MYOCD: variants seen among roughly 807,000 people sequenced by gnomAD.
The protein encoded by MYOCD is myocardin.
A neutral mutation model predicts 96.1 loss-of-function variants in MYOCD; 32 were observed. The ratio of observed to expected loss-of-function variants is 0.33; its 90% CI spans 0.25 to 0.45. MYOCD has a LOEUF of 0.45. Among genes scored for constraint, MYOCD ranks in the 20% least tolerant of loss-of-function variants. The pLI is 1.00. For synonymous variants in MYOCD, 469 were observed against 469.0 expected (o/e 1.00, Z 0.00); for missense variants, 1,133 against 1,200.6 (o/e 0.94, Z 0.83).
At chr17:12,667,885 T>G (rs1909462800) in intron 1 of MYOCD, among the ~76,000 whole-genome samples, 1 of 152,052 alleles carries the variant, frequency 6.6e-6, no homozygotes, top group Admixed American at 6.5e-5. Context: ...GTGCAGGCTT[T>G]TGTGTCATAA....
At chr17:12,677,253 G>T in intron 1 of MYOCD, among the ~76,000 whole-genome samples, 1 of 152,102 alleles carries the variant, frequency 6.6e-6, no homozygotes, top group East Asian at 1.9e-4. Flanking sequence ...GCCTGTCGGA[G>T]GGTGGAGGAT....
At chr17:12,670,382 A>G (rs1358863981) in intron 1 of MYOCD, among the ~76,000 whole-genome samples, 1 of 152,168 alleles carries the variant, frequency 6.6e-6, no homozygotes, top group African/African-American at 2.4e-5. Context: ...TCCATCCTTC[A>G]GACAACCTAA....
In MYOCD at chr17:12,671,565, A is replaced by G. The variant is rs527586903; in HGVS notation, c.55+5322A>G. Reference sequence around the variant, plus strand: ...TCAATGACGATAGTGTGACAGTGTCATGAACCAAGGATTGTGATTAATTCA... The same window carrying G: ...TCAATGACGATAGTGTGACAGTGTCGTGAACCAAGGATTGTGATTAATTCA... On this transcript the variant is annotated intron_variant, in intron 1 of 13. Coordinates refer to ENST00000425538, the MANE Select transcript of MYOCD (RefSeq NM_001146312.3). Among the ~76,000 whole-genome samples the G allele has an allele frequency of 6.6e-5, 10 of 152,374 alleles. No individual in the cohort carries two copies. The East Asian group carries it at 1.9e-3, about 29-fold the overall frequency.
intron 7 of MYOCD, among the ~76,000 whole-genome samples, chr17:12,742,550 T>C (rs1411155886): frequency 6.6e-6 from 1 of 151,968 alleles, no homozygotes; most frequent in Non-Finnish European, 1.5e-5. Flanking sequence ...TTCAACCTTC[T>C]GTAATAAAGT....
Position 12,763,080 on chromosome 17 carries a change from A to G in MYOCD, c.2397A>G (p.Pro799=). Residue 799 remains proline (P), a synonymous_variant, in exon 14 of 14, where the codon CCA becomes CCG. Transcript: ENST00000425538. ...ATCGTGTATTGCCCACAGAAATGCC[A>G]GCAGACGCTAGAGAGGATCACTCAT... The part of the protein sequence containing the change: ...LDVLIESGEM[P]ADAREDHSCL... 1 of 1,604,670 alleles carries G rather than the reference A, an allele frequency of 6.2e-7. No individual in the cohort carries two copies. Among genetic ancestry groups the G allele is most frequent in the South Asian group, 1.1e-5 (1 of 89,430 alleles).
chr17:12,728,887 G>T (rs1567589146), intron 5 of MYOCD, among the ~76,000 whole-genome samples: 1 of 152,184 alleles, frequency 6.6e-6, no homozygotes, highest in South Asian at 2.1e-4. Flanking sequence ...CAATAATTCA[G>T]CCCCTCCGGG....
intron 9 of MYOCD, among the ~76,000 whole-genome samples, chr17:12,751,764 A>G (rs9905908): frequency 0.38 from 57,004 of 151,988 alleles, 11,555 homozygotes; most frequent in East Asian, 0.65. Context: ...TCTTATCGCC[A>G]CATACTCTCT....
intron 1 of MYOCD, among the ~76,000 whole-genome samples, chr17:12,672,432 G>T (rs1909759866): frequency 6.7e-6 from 1 of 148,606 alleles, no homozygotes; most frequent in East Asian, 2.1e-4. Context: ...ATATGTTTCA[G>T]AATAGCTAGT....
chr17:12,684,497 G>A (rs734465), intron 1 of MYOCD, among the ~76,000 whole-genome samples: 36,794 of 152,096 alleles, frequency 0.24, 4,571 homozygotes, highest in Admixed American at 0.3. Flanking sequence ...TACATATTTT[G>A]TGGAGCCCTG....
In MYOCD at chr17:12,764,110, A is replaced by G. The variant is rs968308397; in HGVS notation, c.*466A>G. 1.8e-4 allele frequency: 27 copies of G among 152,962 alleles called. No individual in the cohort carries two copies. Among genetic ancestry groups the G allele is most frequent in the African/African-American group, 6.5e-4 (27 of 41,454 alleles). 9.5% of individuals were successfully genotyped at this position (152,962 alleles called of 1,614,324 possible). ...TACCTGCAATGGAAGCTGTTGCCCA[A>G]TGTCTCCATTACTATCTTTCAAAAG... On this transcript the variant is annotated 3_prime_UTR_variant, in exon 14 of 14. Coordinates refer to ENST00000425538, the MANE Select transcript of MYOCD (RefSeq NM_001146312.3).
At chr17:12,760,739 A>G in intron 13 of MYOCD, 32 bp downstream of exon 13, 1 of 1,579,772 alleles carries the variant, frequency 6.3e-7, no homozygotes, top group Non-Finnish European at 8.7e-7. Context: ...CCATTAGGAC[A>G]TTCTGAGCCC....
rs747791727 is a variant in MYOCD, at chr17:12,752,480, A to G, written c.1192A>G (p.Met398Val). ...LPVSGTKTAL[M>V]DRLRPFQDCS... ...TGTGTCAGGCACCAAAACGGCTCTC[A>G]TGGACCGGCTTCGACCCTTCCAGGA... The change falls in exon 10 of 14, where the codon ATG (methionine) becomes GTG (valine). Residue 398 changes from methionine (M) to valine (V), a missense_variant. Coordinates refer to ENST00000425538, the MANE Select transcript of MYOCD (RefSeq NM_001146312.3). 21 of 1,613,996 alleles carry G rather than the reference A, an allele frequency of 1.3e-5. No individual in the cohort carries two copies. The highest frequency in any genetic ancestry group is 1.6e-5 in the Non-Finnish European group (19 of 1,179,970).
chr17:12,744,054 C>T (rs1032725186), intron 7 of MYOCD, 129 bp from the exon 8 acceptor site: 3 of 1,125,170 alleles, frequency 2.7e-6, no homozygotes, highest in Middle Eastern at 5.0e-4. Flanking sequence ...TACATCATGC[C>T]TTTGCTATAT....
chr17:12,737,382 C>T (rs959864640), intron 6 of MYOCD, among the ~76,000 whole-genome samples: 3 of 152,154 alleles, frequency 2.0e-5, no homozygotes, highest in African/African-American at 7.2e-5. Context: ...AATCAGAGAC[C>T]CCTCCAAGTA....
chr17:12,720,079 C>T (rs1341319910), intron 4 of MYOCD, among the ~76,000 whole-genome samples: 2 of 151,998 alleles, frequency 1.3e-5, no homozygotes, highest in Non-Finnish European at 2.9e-5. Flanking sequence ...CCGCTCTTTT[C>T]CTTGTCACCA....
intron 9 of MYOCD, among the ~76,000 whole-genome samples, chr17:12,746,769 T>A (rs1317035706): frequency 7.1e-6 from 1 of 140,652 alleles, no homozygotes; most frequent in African/African-American, 2.6e-5. Context: ...TGCTCTGTCA[T>A]CCAGGCTGGA....
At chr17:12,728,047 G>A (rs1027381882) in intron 5 of MYOCD, among the ~76,000 whole-genome samples, 30 of 152,126 alleles carry the variant, frequency 2.0e-4, no homozygotes, top group African/African-American at 6.3e-4. Flanking sequence ...TTTCGCCTTC[G>A]TAGAAAACCG....
chr17:12,711,317 A>G (rs768022566), intron 2 of MYOCD, among the ~76,000 whole-genome samples: 80 of 152,210 alleles, frequency 5.3e-4, no homozygotes, highest in Non-Finnish European at 9.3e-4. Flanking sequence ...ACTCAAGGTT[A>G]TACCAAAAGT....
intron 5 of MYOCD, among the ~76,000 whole-genome samples, chr17:12,729,750 T>G (rs2032110332): frequency 1.3e-5 from 2 of 152,160 alleles, no homozygotes; most frequent in Middle Eastern, 3.4e-3. Context: ...TTTTGTATTT[T>G]TAGTAGAGAT....
Sources: allele counts gnomAD v4.1 joint callset (sites outside exome capture counted in the v4.1 genomes callset), GRCh38; gene constraint gnomAD v4.1.1; transcripts MANE v1.5; gene names NCBI Gene and HGNC (gene_info 2026-07-23, HGNC 2026-07-21).